KIF24: variants seen among roughly 807,000 people sequenced by gnomAD.
KIF24 encodes the protein kinesin-like protein KIF24.
Under a neutral mutation model 118.9 loss-of-function variants are expected in KIF24, and 81 were observed. The observed-to-expected ratio is 0.68, with a 90% CI of 0.57 to 0.82. The LOEUF is 0.82. Among genes scored for constraint, KIF24 ranks in the 40% least tolerant of loss-of-function variants. The probability of loss-of-function intolerance (pLI) is 0.00; values close to 1 mark genes in which losing one functional copy is unlikely to be tolerated. For synonymous variants in KIF24, 599 were observed against 610.0 expected, an observed-to-expected ratio of 0.98 and a Z score of 0.27; for missense variants, 1,560 against 1,661.6, an observed-to-expected ratio of 0.94 and a Z score of 1.06.
At chr9:34,294,165 G>T (rs1198240006) in intron 4 of KIF24, among the ~76,000 whole-genome samples, 1 of 152,064 alleles carries the variant, frequency 6.6e-6, no homozygotes, top group African/African-American at 2.4e-5. Flanking sequence ...ATATTGCCCA[G>T]GCTGGTCTTG....
rs372370154 is a variant in KIF24, at chr9:34,257,653, C to A, written c.1954G>T (p.Val652Leu). 4 of 1,614,044 alleles carry A rather than the reference C, an allele frequency of 2.5e-6. No individual in the cohort carries two copies. In the East Asian group the frequency reaches 8.9e-5, roughly 36 times the overall value. Residue 652 changes from valine (V) to leucine (L), a missense_variant, in exon 11 of 13, where the codon GTG (valine) becomes TTG (leucine). This residue lies in a region of KIF24 where 964 missense variants were observed against 988.0 expected (regional missense o/e 0.98). Transcript: ENST00000402558. ...VIHASPVKGT[V>L]RSGHVAKKKP... ...TTTTTGGCCACATGTCCAGAGCGCA[C>A]AGTTCCTTTCACAGGGCTAGCATGA...
intron 8 of KIF24, 120 bp downstream of exon 8, chr9:34,269,137 T>C: frequency 3.7e-6 from 2 of 535,244 alleles, no homozygotes; most frequent in South Asian, 3.3e-5. Flanking sequence ...GGCATTCTAT[T>C]ACTACATAAG....
chr9:34,305,770 G>A (rs1012025907), intron 3 of KIF24, among the ~76,000 whole-genome samples: 5 of 151,964 alleles, frequency 3.3e-5, no homozygotes, highest in Middle Eastern at 6.8e-3. Context: ...TGCTGGGCTA[G>A]TTTTAAGATC....
At chr9:34,304,280 T>G (rs1836833498) in intron 3 of KIF24, among the ~76,000 whole-genome samples, 1 of 152,224 alleles carries the variant, frequency 6.6e-6, no homozygotes, top group Admixed American at 6.5e-5. Flanking sequence ...CCAGCATTTT[T>G]ATATCATAGC....
At chr9:34,254,969 G>A in intron 12 of KIF24, 103 bp downstream of exon 12, 5 of 762,378 alleles carry the variant, frequency 6.6e-6, no homozygotes, top group Non-Finnish European at 1.1e-5. Flanking sequence ...TGTGTGCCAG[G>A]AGACCCTTTC....
intron 8 of KIF24, among the ~76,000 whole-genome samples, chr9:34,265,022 G>A (rs995331051): frequency 2.6e-5 from 4 of 152,062 alleles, no homozygotes; most frequent in East Asian, 1.9e-4. Flanking sequence ...TAAGAAAAGG[G>A]GTGAGTGCAA....
chr9:34,329,197 C>G lies in KIF24; in HGVS notation c.-117G>C, dbSNP rs976800570. 1.3e-5 allele frequency among the ~76,000 whole-genome samples: 2 copies of G among 152,240 alleles called. No individual in the cohort carries two copies. The highest frequency in any genetic ancestry group is 1.9e-4 in the East Asian group (1 of 5,198). On this transcript the variant is annotated 5_prime_UTR_variant, in exon 1 of 13. Coordinates refer to ENST00000402558, the MANE Select transcript of KIF24 (RefSeq NM_194313.4). Reference sequence around the variant, plus strand: ...CCCAAAGCCCGCAACCTAACAGTCCCGTCAACCCGGGAGCCACCGGCGGCG... The same window carrying G: ...CCCAAAGCCCGCAACCTAACAGTCCGGTCAACCCGGGAGCCACCGGCGGCG...
At chr9:34,315,823 G>A (rs1373328470) in intron 1 of KIF24, among the ~76,000 whole-genome samples, 2 of 152,056 alleles carry the variant, frequency 1.3e-5, no homozygotes, top group African/African-American at 4.8e-5. Context: ...GAGGTCAGGA[G>A]TTTGAGAACA....
chr9:34,314,803 A>G (rs11791612), intron 1 of KIF24, among the ~76,000 whole-genome samples: 22,354 of 152,282 alleles, frequency 0.15, 2,018 homozygotes, highest in South Asian at 0.31. Context: ...AAATTATGAT[A>G]GTCCATTTAA....
At chr9:34,331,837 AC>A (rs1272697236), upstream of KIF24, among the ~76,000 whole-genome samples, 1 of 151,852 alleles carries the variant, frequency 6.6e-6, no homozygotes, top group Non-Finnish European at 1.5e-5. Context: ...CTTCACTTGC[AC>A]CCCCTCCTCC....
chr9:34,276,402 C>CAAAAAAAAAAA (rs11419785), intron 6 of KIF24, among the ~76,000 whole-genome samples: 1 of 80,700 alleles, frequency 1.2e-5, no homozygotes, highest in African/African-American at 4.5e-5. Context: ...AACTGCATCT[C>CAAAAAAAAAAA]AAAAAAAAAA....
At chr9:34,275,267 A>T (rs1182880146) in intron 6 of KIF24, among the ~76,000 whole-genome samples, 1 of 151,828 alleles carries the variant, frequency 6.6e-6, no homozygotes, top group South Asian at 2.1e-4. Context: ...GGTGATGTAC[A>T]CTTGTAGTCC....
At chr9:34,321,481 T>C (rs1837518484) in intron 1 of KIF24, among the ~76,000 whole-genome samples, 1 of 150,740 alleles carries the variant, frequency 6.6e-6, no homozygotes, top group Non-Finnish European at 1.5e-5. Context: ...GTGTACTGAT[T>C]ACGCATTTGC....
At chr9:34,274,938 A>G (rs1312946277) in intron 6 of KIF24, among the ~76,000 whole-genome samples, 1 of 151,866 alleles carries the variant, frequency 6.6e-6, no homozygotes, top group African/African-American at 2.4e-5. Context: ...TGTGATCTAA[A>G]AATCAAAGCA....
At chr9:34,282,476 T>TA (rs1271404926) in intron 6 of KIF24, 1 of 151,738 alleles carries the variant, frequency 6.6e-6, no homozygotes, top group Non-Finnish European at 1.5e-5. Context: ...AATATACTTT[T>TA]AAAAAATCAC....
In KIF24 at chr9:34,306,598, C is replaced by T. The variant is rs559496784; in HGVS notation, c.624-157G>A. ...TGGGCGGATCACGATGTCAGGAGAT[C>T]AAGACCATCCTGGCTAACACGGTGA... On this transcript the variant is annotated intron_variant, in intron 2 of 12. Coordinates refer to ENST00000402558, the MANE Select transcript of KIF24 (RefSeq NM_194313.4). Among the ~76,000 whole-genome samples, 242 of 152,230 alleles carry T rather than the reference C, an allele frequency of 1.6e-3. 1 individual carries two copies. Among genetic ancestry groups the T allele is most frequent in the African/African-American group, 5.4e-3 (226 of 41,542 alleles).
chr9:34,302,737 G>A (rs921051859), intron 3 of KIF24, among the ~76,000 whole-genome samples: 1 of 151,396 alleles, frequency 6.6e-6, no homozygotes, highest in Non-Finnish European at 1.5e-5. Context: ...AAAGTGCTGG[G>A]ATTACAGGTG....
chr9:34,266,221 AATCCCACAT>A (rs1253787944), intron 8 of KIF24, among the ~76,000 whole-genome samples: 1 of 5,212 alleles, frequency 1.9e-4, no homozygotes, highest in African/African-American at 2.4e-4. Flanking sequence ...TATTACTATA[AATCCCACAT>A]ATACCACATA....
Position 34,256,312 on chromosome 9 carries a change from G to C in KIF24, c.3295C>G (p.Gln1099Glu). 2 of 1,613,072 alleles carry C rather than the reference G, an allele frequency of 1.2e-6. No individual in the cohort carries two copies. Among genetic ancestry groups the C allele is most frequent in the Non-Finnish European group, 1.7e-6 (2 of 1,179,560 alleles). The change falls in exon 11 of 13, where the codon CAA (glutamine) becomes GAA (glutamate). Residue 1099 changes from glutamine (Q) to glutamate (E), a missense_variant. Around this residue, in one of 3 missense-constraint regions of KIF24, gnomAD observed 591 missense variants for 655.6 expected, o/e 0.90. Coordinates refer to ENST00000402558, the MANE Select transcript of KIF24 (RefSeq NM_194313.4). Reference sequence around the variant, plus strand: ...GAAGACACTGGCAAGGCTGCCTCTTGATCACCAGATGGCACTGTGTGGCTC... The same window carrying C: ...GAAGACACTGGCAAGGCTGCCTCTTCATCACCAGATGGCACTGTGTGGCTC... Reference protein sequence around the residue: ...VVSHTVPSGDQEAALPVSSAT... With the variant: ...VVSHTVPSGDEEAALPVSSAT...
Sources: allele counts gnomAD v4.1 joint callset (sites outside exome capture counted in the v4.1 genomes callset), GRCh38; gene constraint gnomAD v4.1.1; regional missense constraint gnomAD v4.1.1; transcripts MANE v1.5; gene names NCBI Gene and HGNC (gene_info 2026-07-23, HGNC 2026-07-21).